The following CAMK2A variants were observed in gnomAD, a reference collection of about 807,000 sequenced individuals.
The protein encoded by CAMK2A is calcium/calmodulin-dependent protein kinase type II subunit alpha.
A neutral mutation model predicts 79.2 loss-of-function variants in CAMK2A; 7 were observed. That is an observed-to-expected ratio of 0.09 (90% CI 0.05 to 0.17). CAMK2A has a LOEUF of 0.17. CAMK2A is among the 10% of genes least tolerant of loss of function. The pLI, the probability that CAMK2A is intolerant of heterozygous loss-of-function variation, is 1.00. For synonymous variants in CAMK2A, 242 were observed against 251.7 expected, an observed-to-expected ratio of 0.96 and a Z score of 0.36; for missense variants, 214 against 646.4, an observed-to-expected ratio of 0.33 and a Z score of 7.25.
At position 150,223,161 on chromosome 5, in the gene CAMK2A, G is replaced by A; in HGVS notation, c.1294C>T (p.Leu432=). ...ATGCAGGCTGACTCGTCGCCCATCAGGTGGATGTGGGGATTCAGGATGGTG... is the reference window on the plus strand; with the variant it reads ...ATGCAGGCTGACTCGTCGCCCATCAAGTGGATGTGGGGATTCAGGATGGTG... ...HTTILNPHIH[L]MGDESACIAY... Residue 432 remains leucine (L), a synonymous_variant, in exon 18 of 19, where the codon CTG becomes TTG. Coordinates refer to ENST00000671881, the MANE Select transcript of CAMK2A (RefSeq NM_015981.4). The surrounding 1 kb of genome is among the most constrained non-coding windows in gnomAD (Gnocchi z 4.1). 1 of 1,614,042 alleles carries A rather than the reference G, an allele frequency of 6.2e-7. No individual in the cohort carries two copies. Among genetic ancestry groups the A allele is most frequent in the Non-Finnish European group, 8.5e-7 (1 of 1,180,048 alleles).
intron 2 of CAMK2A, among the ~76,000 whole-genome samples, chr5:150,269,617 G>T (rs1756652605): frequency 6.6e-6 from 1 of 152,068 alleles, no homozygotes; most frequent in Non-Finnish European, 1.5e-5. Context: ...GCCTCCCAAA[G>T]TGCTGGGATT....
chr5:150,273,262 T>C, intron 1 of CAMK2A, 103 bp from the exon 2 acceptor site: 1 of 858,472 alleles, frequency 1.2e-6, no homozygotes, highest in Non-Finnish European at 1.9e-6. Context: ...ACAGAAGCCC[T>C]TCATCAGAGC....
Position 150,232,540 on chromosome 5 carries a change from C to G in CAMK2A, c.1067-1160G>C, listed in dbSNP as rs1205438057. ...GGCTCCTGGCAGAGCCTAACAGAAGCCTTGCTCCGTCTCCCAGAGGCAGGC... is the reference window on the plus strand; with the variant it reads ...GGCTCCTGGCAGAGCCTAACAGAAGGCTTGCTCCGTCTCCCAGAGGCAGGC... On this transcript the variant is annotated intron_variant, in intron 15 of 18. Coordinates refer to ENST00000671881, the MANE Select transcript of CAMK2A (RefSeq NM_015981.4). Among the ~76,000 whole-genome samples, 4 of 152,328 alleles carry G rather than the reference C, an allele frequency of 2.6e-5. No individual in the cohort carries two copies. The East Asian group carries it at 7.7e-4, about 29-fold the overall frequency.
At chr5:150,257,697 A>G in intron 3 of CAMK2A, 80 bp from the exon 4 acceptor site, 3 of 1,111,752 alleles carry the variant, frequency 2.7e-6, no homozygotes, top group East Asian at 2.6e-5. Context: ...CCTCCCGTGT[A>G]TATCCAACAC....
intron 2 of CAMK2A, among the ~76,000 whole-genome samples, chr5:150,269,138 A>G (rs1251012435): frequency 6.6e-6 from 1 of 152,146 alleles, no homozygotes; most frequent in Non-Finnish European, 1.5e-5. Context: ...GAGAGATCTG[A>G]GGGAAGCTAG....
In CAMK2A at chr5:150,247,692, G is replaced by A. The variant is rs903526489; in HGVS notation, c.943+80C>T. On this transcript the variant is annotated intron_variant, in intron 12 of 18. Coordinates refer to ENST00000671881, the MANE Select transcript of CAMK2A (RefSeq NM_015981.4). ...TCTCCCCAGGCCCAGTGGCCTGGGG[G>A]CACTCCAATATCTGACAGGACGGTG... 1.0e-5 allele frequency: 12 copies of A among 1,179,528 alleles called. No homozygotes were observed. In the African/African-American group the frequency reaches 1.5e-4, roughly 15 times the overall value. 73.1% of individuals were successfully genotyped at this position (1,179,528 alleles called of 1,614,324 possible).
rs189900485 is a variant in CAMK2A, at chr5:150,225,854, C to T, written c.1237+2338G>A. Among the ~76,000 whole-genome samples the T allele has an allele frequency of 1.1e-3, 168 of 152,264 alleles. 1 individual carries two copies. The highest frequency in any genetic ancestry group is 3.7e-3 in the African/African-American group (155 of 41,548). ...GTGCCTCCCAGGTTCAAGTGATTCT[C>T]GTACCTCAGCCTCCCAAGTAGCTGA... On this transcript the variant is annotated intron_variant, in intron 17 of 18. Coordinates refer to ENST00000671881, the MANE Select transcript of CAMK2A (RefSeq NM_015981.4).
intron 12 of CAMK2A, 161 bp from the exon 13 acceptor site, chr5:150,245,362 TCCTCCTCCTCCTC>T: frequency 1.7e-6 from 1 of 602,258 alleles, no homozygotes; most frequent in Non-Finnish European, 2.9e-6. Context: ...CTCCTCCTCC[TCCTCCTCCTCCTC>T]CCTCCTTGGA....
At chr5:150,253,606 A>T in intron 6 of CAMK2A, 60 bp from the exon 7 acceptor site, 1 of 1,406,334 alleles carries the variant, frequency 7.1e-7, no homozygotes, top group Non-Finnish European at 1.0e-6. Flanking sequence ...CAGTCAGCAG[A>T]TTCAGAGCCT....
intron 16 of CAMK2A, among the ~76,000 whole-genome samples, chr5:150,231,008 C>T (rs1020239285): frequency 9.9e-5 from 15 of 152,180 alleles, no homozygotes; most frequent in Non-Finnish European, 1.5e-5. Flanking sequence ...ACTGTCCACC[C>T]CCTCTTTCCT....
chr5:150,275,224 A>T (rs1026899005), intron 1 of CAMK2A, among the ~76,000 whole-genome samples: 6 of 152,232 alleles, frequency 3.9e-5, no homozygotes, highest in Admixed American at 1.3e-4. Flanking sequence ...CAGCCTGTCC[A>T]TATGCTACCA....
rs373136765 is a variant in CAMK2A at position 150,256,801 on chromosome 5, G to A, written c.303C>T (p.Ile101=). ...CCTCACTGTAATACTCCCGGGCCAC[G>A]ATATCTTCAAACAGTTCCCCACCAG... The part of the protein sequence containing the change: ...LVTGGELFED[I]VAREYYSEAD... Residue 101 remains isoleucine (I), a synonymous_variant, in exon 5 of 19, where the codon ATC becomes ATT. Coordinates refer to ENST00000671881, the MANE Select transcript of CAMK2A (RefSeq NM_015981.4). The surrounding 1 kb of genome is among the most constrained non-coding windows in gnomAD (Gnocchi z 4.6). The A allele has an allele frequency of 3.0e-5, 49 of 1,613,948 alleles. No homozygotes were observed. The African/African-American group carries it at 3.5e-4, about 11-fold the overall frequency.
At chr5:150,273,040 G>A in intron 2 of CAMK2A, 25 bp downstream of exon 2, 1 of 1,578,694 alleles carries the variant, frequency 6.3e-7, no homozygotes, top group South Asian at 1.1e-5. Flanking sequence ...CTGGAGGGTG[G>A]GCAGGGTAGA....
intron 17 of CAMK2A, 43 bp downstream of exon 17, chr5:150,228,149 C>G: frequency 2.0e-6 from 3 of 1,515,538 alleles, no homozygotes; most frequent in Non-Finnish European, 2.7e-6. Context: ...GGACATGGAA[C>G]GAGAGCAGAC....
At chr5:150,250,366 C>T (rs1755778712) in intron 10 of CAMK2A, 57 bp from the exon 11 acceptor site, 1 of 1,394,912 alleles carries the variant, frequency 7.2e-7, no homozygotes. Flanking sequence ...GACAGGCCCA[C>T]CCAAGGGTAC....
chr5:150,272,663 C>T (rs1017427623), intron 2 of CAMK2A, among the ~76,000 whole-genome samples: 1 of 151,784 alleles, frequency 6.6e-6, no homozygotes, highest in Non-Finnish European at 1.5e-5. Context: ...AGGATGTGAC[C>T]TTCAGCTGAG....
At chr5:150,245,289 C>A in intron 12 of CAMK2A, 88 bp from the exon 13 acceptor site, 1 of 1,301,690 alleles carries the variant, frequency 7.7e-7, no homozygotes, top group Admixed American at 1.7e-5. Context: ...CACACGCAGC[C>A]GGAGGGCAGA....
In CAMK2A at chr5:150,251,894, G is replaced by T. The variant is rs748936532; in HGVS notation, c.599-50C>A. On this transcript the variant is annotated intron_variant, in intron 8 of 18. Coordinates refer to ENST00000671881, the MANE Select transcript of CAMK2A (RefSeq NM_015981.4). Reference sequence around the variant, plus strand: ...CAACCCCCTGTGGGGAGGAGACATGGGGGGAGGGGAGTGATGGGAAAGGAG... The same window carrying T: ...CAACCCCCTGTGGGGAGGAGACATGTGGGGAGGGGAGTGATGGGAAAGGAG... 53 of 1,550,404 alleles carry T rather than the reference G, an allele frequency of 3.4e-5. No individual in the cohort carries two copies. In the South Asian group the frequency reaches 5.2e-4, roughly 15 times the overall value.
At chr5:150,268,277 C>A (rs554901655) in intron 2 of CAMK2A, among the ~76,000 whole-genome samples, 1 of 152,128 alleles carries the variant, frequency 6.6e-6, no homozygotes, top group African/African-American at 2.4e-5. Flanking sequence ...TCACTGGGTC[C>A]GGCCTCACCT....
Sources: gnomAD v4.1 joint callset for allele counts (sites outside exome capture counted in the v4.1 genomes callset) on GRCh38, gnomAD v4.1.1 for gene constraint, Gnocchi (gnomAD v3.1) non-coding constraint, MANE v1.5 for transcripts, NCBI Gene and HGNC (gene_info 2026-07-23, HGNC 2026-07-21) for gene names.